C19orf47: variants seen among roughly 807,000 people sequenced by gnomAD.
The protein encoded by C19orf47 is uncharacterized protein C19orf47.
A neutral mutation model predicts 32.3 loss-of-function variants in C19orf47; 18 were observed. The ratio of observed to expected loss-of-function variants is 0.56; its 90% CI spans 0.39 to 0.83. The LOEUF (loss-of-function observed/expected upper bound fraction) is 0.83, where lower values mean the gene tolerates loss of function less well. Ranked by LOEUF, C19orf47 falls within the 40% of genes least tolerant of loss-of-function variation. The pLI is 0.00. For missense variants in C19orf47, 484 were observed against 531.6 expected (o/e 0.91, Z 0.88); for synonymous variants, 202 against 211.1 (o/e 0.96, Z 0.37).
the C19orf47 span, among the ~76,000 whole-genome samples, chr19:40,293,516 A>G: frequency 3.3e-5 from 5 of 151,232 alleles, no homozygotes; most frequent in African/African-American, 1.2e-4. Context: ...CCCAGGCTGG[A>G]GTGCAATGAT....
At chr19:40,338,098 A>T (rs2078100758) in intron 2 of C19orf47, among the ~76,000 whole-genome samples, 1 of 151,948 alleles carries the variant, frequency 6.6e-6, no homozygotes, top group African/African-American at 2.4e-5. Context: ...TTTTTGAGAC[A>T]GGGTCTCCCT....
chr19:40,301,893 C>T, the C19orf47 span, among the ~76,000 whole-genome samples: 1 of 151,394 alleles, frequency 6.6e-6, no homozygotes, highest in East Asian at 2.0e-4. Context: ...GGCACAGTGG[C>T]TCATGCCTGT....
At chr19:40,315,910 A>T (rs2077658963), downstream of C19orf47, among the ~76,000 whole-genome samples, 1 of 152,016 alleles carries the variant, frequency 6.6e-6, no homozygotes. Context: ...GTGAGCTGGG[A>T]TCATACCACT....
rs778635840 is a variant in C19orf47, at chr19:40,326,338, T to C, written c.588A>G (p.Ala196=). ...ATGCCCCTGATGGGCCAGTACCTTT[T>C]GCAGCCTGCTGCTGCTCCAGGATCT... ...TRKILEQQQA[A]KGLHRTSVFD... The change falls in exon 7 of 9, where the codon GCA becomes GCG. Residue 196 remains alanine (A), a synonymous_variant. Coordinates refer to ENST00000683109, the MANE Select transcript of C19orf47 (RefSeq NM_001256441.2). 31 of 1,614,074 alleles carry C rather than the reference T, an allele frequency of 1.9e-5. No homozygotes were observed. Among genetic ancestry groups the C allele is most frequent in the African/African-American group, 6.7e-5 (5 of 74,942 alleles).
intron 2 of C19orf47, among the ~76,000 whole-genome samples, chr19:40,339,380 G>T (rs183053677): frequency 7.9e-5 from 12 of 152,292 alleles, no homozygotes; most frequent in Non-Finnish European, 1.5e-5. Flanking sequence ...ATGAGATGTG[G>T]CTTGTTGCAC....
intron 1 of C19orf47, among the ~76,000 whole-genome samples, chr19:40,346,217 G>A (rs2078275352): frequency 6.7e-6 from 1 of 148,432 alleles, no homozygotes; most frequent in Non-Finnish European, 1.5e-5. Flanking sequence ...GCTGAGGCAG[G>A]TGGATAACCT....
At chr19:40,319,162 AG>A (rs1190357787), downstream of C19orf47, among the ~76,000 whole-genome samples, 1 of 151,724 alleles carries the variant, frequency 6.6e-6, no homozygotes, top group Non-Finnish European at 1.5e-5. Flanking sequence ...CCCAGCTACC[AG>A]GGAGGCTGAG....
At chr19:40,336,077 C>T (rs1404822602) in intron 4 of C19orf47, 33 bp downstream of exon 4, 1 of 1,602,168 alleles carries the variant, frequency 6.2e-7, no homozygotes, top group South Asian at 1.1e-5. Flanking sequence ...CCATGCCAAA[C>T]CCAGAGACAG....
At chr19:40,327,077 G>A (rs1233001040) in intron 6 of C19orf47, among the ~76,000 whole-genome samples, 3 of 144,278 alleles carry the variant, frequency 2.1e-5, no homozygotes, top group African/African-American at 5.2e-5. Flanking sequence ...GCAATGGCAC[G>A]ATCTCAGCTC....
At chr19:40,328,580 G>A (rs768311426) in intron 5 of C19orf47, 30 bp from the exon 6 acceptor site, 11 of 1,581,038 alleles carry the variant, frequency 7.0e-6, no homozygotes, top group Non-Finnish European at 9.4e-6. Context: ...GTCCGGTCGG[G>A]TGGGGTCCTG....
chr19:40,346,158 A>T (rs1213999557), intron 1 of C19orf47, among the ~76,000 whole-genome samples: 1 of 148,772 alleles, frequency 6.7e-6, no homozygotes, highest in African/African-American at 2.5e-5. Flanking sequence ...TCCATCTCAA[A>T]AAAAAAAAAA....
At chr19:40,295,667 C>T in the C19orf47 span, among the ~76,000 whole-genome samples, 1 of 150,734 alleles carries the variant, frequency 6.6e-6, no homozygotes, top group African/African-American at 2.4e-5. Context: ...AACTCCTGAC[C>T]TCAGGTGATC....
downstream of C19orf47, among the ~76,000 whole-genome samples, chr19:40,319,024 C>A (rs1473286319): frequency 6.6e-6 from 1 of 152,146 alleles, no homozygotes; most frequent in African/African-American, 2.4e-5. Flanking sequence ...GTAATCCCAG[C>A]ACTTTGGGAG....
Position 40,329,993 on chromosome 19 carries a change from C to T in C19orf47, c.302-1443G>A, listed in dbSNP as rs952469443. 3.3e-5 allele frequency among the ~76,000 whole-genome samples: 5 copies of T among 152,112 alleles called. No individual in the cohort carries two copies. The East Asian group carries it at 5.8e-4, about 18-fold the overall frequency. ...TGACAGGCAAGCCCCATTTGGGTGG[C>T]GGTTAAGCAACCAACTCTGTCTTTA... On this transcript the variant is annotated intron_variant, in intron 5 of 8. Transcript: ENST00000683109.
chr19:40,317,445 A>T (rs936620512), downstream of C19orf47, among the ~76,000 whole-genome samples: 2 of 152,116 alleles, frequency 1.3e-5, no homozygotes, highest in Non-Finnish European at 2.9e-5. Context: ...CTAAAAGTAA[A>T]AAGTGCTTAA....
At chr19:40,309,632 C>A in the C19orf47 span, among the ~76,000 whole-genome samples, 1 of 151,936 alleles carries the variant, frequency 6.6e-6, no homozygotes, top group African/African-American at 2.4e-5. Context: ...TGCCTTTCCT[C>A]CCCACGAACA....
At chr19:40,295,896 G>A in the C19orf47 span, among the ~76,000 whole-genome samples, 1 of 151,972 alleles carries the variant, frequency 6.6e-6, no homozygotes. Flanking sequence ...ACAGGCATGT[G>A]CCACCACTCC....
chr19:40,342,236 A>G (rs2078191647), intron 1 of C19orf47: 1 of 316,158 alleles, frequency 3.2e-6, no homozygotes, highest in Admixed American at 5.1e-5. Flanking sequence ...CTGTAATCCC[A>G]GGACTTTGGG....
At chr19:40,294,260 A>G in the C19orf47 span, among the ~76,000 whole-genome samples, 1 of 152,178 alleles carries the variant, frequency 6.6e-6, no homozygotes, top group Non-Finnish European at 1.5e-5. Flanking sequence ...GGCCACAGAT[A>G]AGATTTCCTA....
Sources: gnomAD v4.1 joint callset for allele counts (sites outside exome capture counted in the v4.1 genomes callset) on GRCh38, gnomAD v4.1.1 for gene constraint, MANE v1.5 for transcripts, NCBI Gene and HGNC (gene_info 2026-07-23, HGNC 2026-07-21) for gene names.